The following HMGCLL1 variants were observed in gnomAD, a reference collection of about 807,000 sequenced individuals.
HMGCLL1 encodes 3-hydroxymethyl-3-methylglutaryl-CoA lyase, cytoplasmic.
HMGCLL1 carries 36 observed loss-of-function variants against 39.1 expected under a neutral mutation model. That is an observed-to-expected ratio of 0.92 (90% confidence interval 0.71 to 1.22). The LOEUF (loss-of-function observed/expected upper bound fraction) is 1.22. Among genes scored for constraint, HMGCLL1 ranks in the 50% most tolerant of loss-of-function variants. The pLI is 0.00. For synonymous variants in HMGCLL1, 149 were observed against 144.0 expected (o/e 1.03, Z -0.25); for missense variants, 451 against 416.5 (o/e 1.08, Z -0.72).
chr6:55,657,654 A>C, the HMGCLL1 span, among the ~76,000 whole-genome samples: 1 of 152,020 alleles, frequency 6.6e-6, no homozygotes, highest in Non-Finnish European at 1.5e-5. Context: ...TATGGAATCA[A>C]CCTAAATGCC....
the HMGCLL1 span, among the ~76,000 whole-genome samples, chr6:55,589,554 C>G: frequency 6.6e-6 from 1 of 152,064 alleles, no homozygotes; most frequent in Non-Finnish European, 1.5e-5. Context: ...CTGGCCAGGG[C>G]AATTAGGCAG....
the HMGCLL1 span, among the ~76,000 whole-genome samples, chr6:55,646,321 C>T: frequency 2.6e-5 from 4 of 151,412 alleles, no homozygotes; most frequent in East Asian, 5.8e-4. Flanking sequence ...TTGTCAATTT[C>T]ATTTATCTTT....
intron 3 of HMGCLL1, among the ~76,000 whole-genome samples, chr6:55,541,396 C>A (rs540228098): frequency 6.6e-6 from 1 of 152,168 alleles, no homozygotes; most frequent in Non-Finnish European, 1.5e-5. Flanking sequence ...CTCTAACAGA[C>A]AAAATGACTA....
the HMGCLL1 span, among the ~76,000 whole-genome samples, chr6:55,669,752 G>A: frequency 6.6e-6 from 1 of 151,712 alleles, no homozygotes; most frequent in African/African-American, 2.4e-5. Flanking sequence ...GAATGAAAAC[G>A]ACAGAGGAAA....
chr6:55,586,155 A>G, the HMGCLL1 span, among the ~76,000 whole-genome samples: 1 of 152,124 alleles, frequency 6.6e-6, no homozygotes, highest in East Asian at 1.9e-4. Flanking sequence ...TTAACTAACT[A>G]AAATAGGCCA....
chr6:55,576,795 CT>C (rs1274260904), intron 1 of HMGCLL1, among the ~76,000 whole-genome samples: 4 of 152,122 alleles, frequency 2.6e-5, no homozygotes, highest in Non-Finnish European at 5.9e-5. Flanking sequence ...ATAAATTATA[CT>C]GGCATTCCCT....
chr6:55,569,344 T>C (rs908045452), intron 1 of HMGCLL1, among the ~76,000 whole-genome samples: 1 of 152,168 alleles, frequency 6.6e-6, no homozygotes, highest in African/African-American at 2.4e-5. Flanking sequence ...TCCAACACAG[T>C]GTTTACTAAA....
the HMGCLL1 span, among the ~76,000 whole-genome samples, chr6:55,611,348 G>A: frequency 6.6e-6 from 1 of 152,080 alleles, no homozygotes; most frequent in African/African-American, 2.4e-5. Flanking sequence ...ACAACTAAAA[G>A]GACCAGACTG....
At chr6:55,542,518 G>C (rs1004513496) in intron 1 of HMGCLL1, among the ~76,000 whole-genome samples, 1 of 151,866 alleles carries the variant, frequency 6.6e-6, no homozygotes, top group Non-Finnish European at 1.5e-5. Flanking sequence ...AGTGGCTCAC[G>C]CCTGTAATCC....
At chr6:55,561,597 T>A (rs1267391686) in intron 1 of HMGCLL1, among the ~76,000 whole-genome samples, 3 of 152,156 alleles carry the variant, frequency 2.0e-5, no homozygotes, top group Non-Finnish European at 4.4e-5. Flanking sequence ...CAAGGAGCAG[T>A]ATTTGAAAAC....
the HMGCLL1 span, among the ~76,000 whole-genome samples, chr6:55,677,360 T>C: frequency 6.6e-6 from 1 of 151,968 alleles, no homozygotes; most frequent in Non-Finnish European, 1.5e-5. Flanking sequence ...CGAGACCCTA[T>C]CTCAAAACAA....
At chr6:55,545,839 C>T (rs911576422) in intron 1 of HMGCLL1, among the ~76,000 whole-genome samples, 1 of 151,930 alleles carries the variant, frequency 6.6e-6, no homozygotes, top group Non-Finnish European at 1.5e-5. Flanking sequence ...CAGGAAGAGA[C>T]TAAAGATCAG....
the HMGCLL1 span, among the ~76,000 whole-genome samples, chr6:55,667,951 G>C: frequency 1.3e-5 from 2 of 149,786 alleles, no homozygotes; most frequent in Non-Finnish European, 3.0e-5. Context: ...TATGTTTCTT[G>C]GTTGCCCAAT....
intron 1 of HMGCLL1, among the ~76,000 whole-genome samples, chr6:55,553,112 C>T (rs1770435907): frequency 6.6e-6 from 1 of 151,410 alleles, no homozygotes; most frequent in Non-Finnish European, 1.5e-5. Context: ...CATTGCACTC[C>T]AGCCTGGGCA....
chr6:55,587,187 G>A, the HMGCLL1 span, among the ~76,000 whole-genome samples: 1 of 152,132 alleles, frequency 6.6e-6, no homozygotes, highest in Non-Finnish European at 1.5e-5. Context: ...CTGCATAAAT[G>A]TCTTCTTTTG....
chr6:55,502,734 T>C (rs1766957477), intron 5 of HMGCLL1, among the ~76,000 whole-genome samples: 1 of 151,212 alleles, frequency 6.6e-6, no homozygotes, highest in Non-Finnish European at 1.5e-5. Context: ...TTTGCTTGCA[T>C]TGTGAATTTT....
chr6:55,645,373 A>G, the HMGCLL1 span, among the ~76,000 whole-genome samples: 14 of 151,968 alleles, frequency 9.2e-5, no homozygotes, highest in Non-Finnish European at 1.8e-4. Context: ...TTCCTTTCCA[A>G]TTTGGATGCC....
chr6:55,548,836 TAACAAAATAATAGAAAA>T (rs1461484283), intron 1 of HMGCLL1, among the ~76,000 whole-genome samples: 1 of 151,212 alleles, frequency 6.6e-6, no homozygotes, highest in Admixed American at 6.6e-5. Context: ...ACATGGATAG[TAACAAAATAATAGAAAA>T]AACAAAAATG....
At chr6:55,547,379 T>A (rs1176509907) in intron 1 of HMGCLL1, among the ~76,000 whole-genome samples, 1 of 151,978 alleles carries the variant, frequency 6.6e-6, no homozygotes, top group Non-Finnish European at 1.5e-5. Flanking sequence ...AATGGATGAC[T>A]TCTATATATA....
Sources: allele counts gnomAD v4.1 joint callset (sites outside exome capture counted in the v4.1 genomes callset), GRCh38; gene constraint gnomAD v4.1.1; transcripts MANE v1.5; gene names NCBI Gene and HGNC (gene_info 2026-07-23, HGNC 2026-07-21).